The following RPS6KC1 variants were observed in gnomAD, a reference collection of about 807,000 sequenced individuals.
The protein encoded by RPS6KC1 is ribosomal protein S6 kinase C1, also known as inactive ribosomal protein S6 kinase delta-1.
In RPS6KC1, 54 loss-of-function variants were observed where a neutral mutation model predicts 103.8. The ratio of observed to expected loss-of-function variants is 0.52; its 90% confidence interval spans 0.42 to 0.65. The LOEUF (loss-of-function observed/expected upper bound fraction) is 0.65. Ranked by LOEUF, RPS6KC1 falls within the 30% of genes least tolerant of loss-of-function variation. The probability of loss-of-function intolerance (pLI) is 0.00; values close to 1 mark genes in which losing one functional copy is unlikely to be tolerated. For synonymous variants in RPS6KC1, 439 were observed against 438.7 expected (o/e 1.00, Z -0.01); for missense variants, 1,151 against 1,253.8 (o/e 0.92, Z 1.24).
the RPS6KC1 span, among the ~76,000 whole-genome samples, chr1:213,475,332 T>C: frequency 6.6e-6 from 1 of 152,178 alleles, no homozygotes; most frequent in East Asian, 1.9e-4. Context: ...CTTTTCTTCA[T>C]TTGTCCCCCC....
the RPS6KC1 span, among the ~76,000 whole-genome samples, chr1:213,365,818 A>G: frequency 1.3e-5 from 2 of 152,262 alleles, no homozygotes; most frequent in African/African-American, 4.8e-5. Context: ...TTTGTGAGCC[A>G]TATGCACTCT....
chr1:213,279,519 T>C (rs2095118703), downstream of RPS6KC1, among the ~76,000 whole-genome samples: 1 of 152,254 alleles, frequency 6.6e-6, no homozygotes, highest in Non-Finnish European at 1.5e-5. Context: ...CCCTGGGTCC[T>C]AACTCACTCT....
intron 8 of RPS6KC1, among the ~76,000 whole-genome samples, chr1:213,204,325 A>G (rs1413198094): frequency 2.0e-5 from 3 of 152,190 alleles, no homozygotes; most frequent in African/African-American, 7.2e-5. Flanking sequence ...TATATGTATA[A>G]TGTCAATTTC....
At chr1:213,328,759 T>TACAGAC in the RPS6KC1 span, among the ~76,000 whole-genome samples, 2 of 151,932 alleles carry the variant, frequency 1.3e-5, no homozygotes, top group South Asian at 4.2e-4. Context: ...ACTGCCTTAT[T>TACAGAC]ACAGACAGAG....
At chr1:213,768,978 C>G in the RPS6KC1 span, among the ~76,000 whole-genome samples, 1 of 152,156 alleles carries the variant, frequency 6.6e-6, no homozygotes, top group Non-Finnish European at 1.5e-5. Flanking sequence ...CGTTCACCAG[C>G]AAATGGAGCT....
At chr1:213,162,286 C>T (rs2090549826) in intron 6 of RPS6KC1, among the ~76,000 whole-genome samples, 1 of 152,050 alleles carries the variant, frequency 6.6e-6, no homozygotes, top group African/African-American at 2.4e-5. Flanking sequence ...AGAGACTGGC[C>T]ATTTTTATTG....
the RPS6KC1 span, among the ~76,000 whole-genome samples, chr1:213,803,264 T>A: frequency 3.0e-4 from 44 of 146,884 alleles, no homozygotes; most frequent in East Asian, 8.1e-3. Context: ...TTTTTTTTTT[T>A]AGATGCAGTT....
At chr1:213,505,275 G>A in the RPS6KC1 span, among the ~76,000 whole-genome samples, 2 of 152,132 alleles carry the variant, frequency 1.3e-5, no homozygotes. Context: ...GCAGAGGGAG[G>A]TGGGTAGGTC....
chr1:213,780,945 C>T, the RPS6KC1 span, among the ~76,000 whole-genome samples: 3 of 152,136 alleles, frequency 2.0e-5, no homozygotes, highest in Admixed American at 2.0e-4. Context: ...ATCACTTGAA[C>T]CCAGAAGGGG....
the RPS6KC1 span, among the ~76,000 whole-genome samples, chr1:213,495,900 G>C: frequency 6.6e-6 from 1 of 152,024 alleles, no homozygotes; most frequent in Non-Finnish European, 1.5e-5. Flanking sequence ...ATAATCTAGA[G>C]TTTAAAACTT....
chr1:213,378,145 A>T, the RPS6KC1 span, among the ~76,000 whole-genome samples: 1 of 152,266 alleles, frequency 6.6e-6, no homozygotes, highest in Non-Finnish European at 1.5e-5. Context: ...TGATAATTGC[A>T]GTACCTACCA....
intron 6 of RPS6KC1, 83 bp downstream of exon 6, chr1:213,129,972 T>G (rs2085418269): frequency 7.7e-7 from 1 of 1,304,774 alleles, no homozygotes; most frequent in Non-Finnish European, 1.0e-6. Flanking sequence ...ATCTTCTGTA[T>G]AGTCTTATGG....
At chr1:213,613,909 A>G in the RPS6KC1 span, among the ~76,000 whole-genome samples, 1 of 152,230 alleles carries the variant, frequency 6.6e-6, no homozygotes, top group Non-Finnish European at 1.5e-5. Context: ...TCACCAGATG[A>G]CAACAGGCAT....
the RPS6KC1 span, among the ~76,000 whole-genome samples, chr1:213,861,464 A>C: frequency 6.6e-6 from 1 of 152,192 alleles, no homozygotes; most frequent in Admixed American, 6.5e-5. Flanking sequence ...AAAATGTTGC[A>C]GGGCAAGGAA....
At chr1:213,741,535 A>G in the RPS6KC1 span, among the ~76,000 whole-genome samples, 2 of 151,420 alleles carry the variant, frequency 1.3e-5, 1 homozygote, top group South Asian at 4.2e-4. Context: ...ACGTGCTGGA[A>G]AAAAAAAATC....
Position 213,187,938 on chromosome 1 carries a change from A to G in RPS6KC1, c.1044+11446A>G, listed in dbSNP as rs544181630. ...GGTACCTTAAGCTTGGGTTGACCTC[A>G]GCTCTGGTAAATGATCAGAGTGATG... On this transcript the variant is annotated intron_variant, in intron 8 of 14. Coordinates refer to ENST00000366960, the MANE Select transcript of RPS6KC1 (RefSeq NM_012424.6). Among the ~76,000 whole-genome samples the G allele has an allele frequency of 2.0e-5, 3 of 152,212 alleles. No individual in the cohort carries two copies. In the East Asian group the frequency reaches 5.8e-4, roughly 29 times the overall value.
chr1:213,422,137 G>A, the RPS6KC1 span, among the ~76,000 whole-genome samples: 9 of 152,034 alleles, frequency 5.9e-5, no homozygotes. Context: ...TCATCTTCAC[G>A]AATGGAAACT....
chr1:213,692,265 C>A, the RPS6KC1 span, among the ~76,000 whole-genome samples: 1 of 151,806 alleles, frequency 6.6e-6, no homozygotes, highest in African/African-American at 2.4e-5. Flanking sequence ...CATGGTGGCA[C>A]GTGCCTGTAG....
chr1:213,185,768 T>A (rs974629044), intron 8 of RPS6KC1, among the ~76,000 whole-genome samples: 5 of 152,220 alleles, frequency 3.3e-5, no homozygotes, highest in Admixed American at 3.3e-4. Context: ...TTGACACTCC[T>A]GTCTTTTTTC....
Sources: gnomAD v4.1 joint callset for allele counts (sites outside exome capture counted in the v4.1 genomes callset) on GRCh38, gnomAD v4.1.1 for gene constraint, MANE v1.5 for transcripts, NCBI Gene and HGNC (gene_info 2026-07-23, HGNC 2026-07-21) for gene names.